TUSC3: variants seen among roughly 807,000 people sequenced by gnomAD.
The protein encoded by TUSC3 is dolichyl-diphosphooligosaccharide--protein glycosyltransferase subunit TUSC3.
A neutral mutation model predicts 44.8 loss-of-function variants in TUSC3; 45 were observed. The ratio of observed to expected loss-of-function variants is 1.00; its 90% CI spans 0.79 to 1.29. The LOEUF is 1.29. Among genes scored for constraint, TUSC3 ranks in the 50% most tolerant of loss-of-function variants. The pLI, the probability that TUSC3 is intolerant of heterozygous loss-of-function variation, is 0.00. For synonymous variants in TUSC3, 212 were observed against 152.9 expected, an observed-to-expected ratio of 1.39 and a Z score of -2.85; for missense variants, 519 against 437.9, an observed-to-expected ratio of 1.19 and a Z score of -1.65.
At chr8:15,713,879 A>C (rs899938066) in intron 6 of TUSC3, among the ~76,000 whole-genome samples, 1 of 152,190 alleles carries the variant, frequency 6.6e-6, no homozygotes, top group Admixed American at 6.6e-5. Flanking sequence ...AATAATACTC[A>C]GTTGACATTT....
chr8:15,646,323 G>A (rs1806627753), intron 2 of TUSC3, among the ~76,000 whole-genome samples: 1 of 152,072 alleles, frequency 6.6e-6, no homozygotes, highest in African/African-American at 2.4e-5. Flanking sequence ...TATGTAAGTT[G>A]TGGCCAAGTT....
intron 1 of TUSC3, among the ~76,000 whole-genome samples, chr8:15,591,239 A>G (rs1255653137): frequency 1.3e-5 from 2 of 151,908 alleles, no homozygotes; most frequent in Non-Finnish European, 2.9e-5. Context: ...TAAATTAGTT[A>G]TTTAAATAAC....
intron 6 of TUSC3, among the ~76,000 whole-genome samples, chr8:15,681,904 C>G (rs1454888121): frequency 6.6e-6 from 1 of 151,896 alleles, no homozygotes; most frequent in African/African-American, 2.4e-5. Flanking sequence ...TGTTTTCTGT[C>G]TTAATTTGCT....
the TUSC3 span, chr8:15,807,000 T>G: frequency 1.4e-6 from 2 of 1,456,960 alleles, no homozygotes; most frequent in Non-Finnish European, 1.9e-6. Flanking sequence ...TCTTTACATT[T>G]TCCAAAGAAG....
intron 1 of TUSC3, among the ~76,000 whole-genome samples, chr8:15,548,974 GT>G (rs1020526155): frequency 6.6e-6 from 1 of 151,558 alleles, no homozygotes; most frequent in Non-Finnish European, 1.5e-5. Context: ...AGTGAAATAA[GT>G]GTTTTTATTG....
intron 6 of TUSC3, among the ~76,000 whole-genome samples, chr8:15,705,268 G>T (rs930320674): frequency 4.6e-5 from 7 of 151,720 alleles, no homozygotes; most frequent in African/African-American, 1.7e-4. Context: ...GATGAGTGGA[G>T]TTTCACAGTG....
chr8:15,532,636 T>C (rs533521847), intron 2 of TUSC3, among the ~76,000 whole-genome samples: 35 of 152,310 alleles, frequency 2.3e-4, no homozygotes, highest in African/African-American at 8.4e-4. Context: ...ACAATTTACA[T>C]GTGAGGGGGT....
chr8:15,778,107 A>AG, the TUSC3 span, among the ~76,000 whole-genome samples: 2 of 104,448 alleles, frequency 1.9e-5, 1 homozygote, highest in African/African-American at 6.7e-5. Flanking sequence ...GGCAAAAAAA[A>AG]AAAACAAAAA....
chr8:15,505,771 A>G (rs1801043498), intron 2 of TUSC3, among the ~76,000 whole-genome samples: 1 of 152,014 alleles, frequency 6.6e-6, no homozygotes, highest in Non-Finnish European at 1.5e-5. Flanking sequence ...TGTTTTTTTT[A>G]GTTTTAAACC....
At chr8:15,788,638 G>A in the TUSC3 span, among the ~76,000 whole-genome samples, 1 of 151,996 alleles carries the variant, frequency 6.6e-6, no homozygotes, top group Non-Finnish European at 1.5e-5. Context: ...CCTACCCCGG[G>A]GCTGATGGAA....
intron 10 of TUSC3, among the ~76,000 whole-genome samples, chr8:15,760,521 G>C (rs1300173632): frequency 6.6e-6 from 1 of 152,116 alleles, no homozygotes; most frequent in Non-Finnish European, 1.5e-5. Context: ...AGTAACTGCT[G>C]TCTGTGTTAG....
chr8:15,603,121 T>G (rs17116320), intron 1 of TUSC3, among the ~76,000 whole-genome samples: 1 of 151,678 alleles, frequency 6.6e-6, no homozygotes, highest in Admixed American at 6.6e-5. Flanking sequence ...TTGCCACACA[T>G]GTAGTTAATT....
intron 1 of TUSC3, among the ~76,000 whole-genome samples, chr8:15,473,321 A>T (rs1366016736): frequency 6.6e-6 from 1 of 152,174 alleles, no homozygotes; most frequent in Non-Finnish European, 1.5e-5. Context: ...CAACAAAAAA[A>T]TTTCAATTCT....
chr8:15,448,250 C>T (rs1216996495), intron 1 of TUSC3, among the ~76,000 whole-genome samples: 1 of 151,730 alleles, frequency 6.6e-6, no homozygotes, highest in Non-Finnish European at 1.5e-5. Context: ...TCTCAAGTAG[C>T]TGAGATCACA....
the TUSC3 span, among the ~76,000 whole-genome samples, chr8:15,815,692 C>T: frequency 6.6e-6 from 1 of 152,140 alleles, no homozygotes; most frequent in Non-Finnish European, 1.5e-5. Context: ...ATTCCCATCT[C>T]TTATGGCATT....
At chr8:15,813,060 C>A in the TUSC3 span, among the ~76,000 whole-genome samples, 1 of 152,100 alleles carries the variant, frequency 6.6e-6, no homozygotes, top group Non-Finnish European at 1.5e-5. Context: ...CGCCACTGCA[C>A]TGCGGCCTGG....
chr8:15,743,866 C>G (rs2129214768), intron 8 of TUSC3, among the ~76,000 whole-genome samples: 1 of 152,222 alleles, frequency 6.6e-6, no homozygotes, highest in South Asian at 2.1e-4. Context: ...TCAGGGTGCT[C>G]TAATCCATCC....
intron 3 of TUSC3, among the ~76,000 whole-genome samples, chr8:15,655,055 G>C (rs1289682219): frequency 2.6e-5 from 4 of 152,136 alleles, no homozygotes; most frequent in African/African-American, 7.2e-5. Context: ...CTTTAGAGTA[G>C]GTAGCTATGC....
At chr8:15,514,935 A>C (rs533527252) in intron 2 of TUSC3, among the ~76,000 whole-genome samples, 7 of 152,320 alleles carry the variant, frequency 4.6e-5, no homozygotes, top group Admixed American at 3.3e-4. Flanking sequence ...AAGAAAATAC[A>C]CAAATACTGT....
Sources: allele counts gnomAD v4.1 joint callset (sites outside exome capture counted in the v4.1 genomes callset), GRCh38; gene constraint gnomAD v4.1.1; transcripts MANE v1.5; gene names NCBI Gene and HGNC (gene_info 2026-07-23, HGNC 2026-07-21).